Variants in DNAAF4 observed in about 807,000 individuals in gnomAD.
DNAAF4 encodes the protein dynein axonemal assembly factor 4, also known as dynein assembly factor 4, axonemal.
In DNAAF4, 43 loss-of-function variants were observed where a neutral mutation model predicts 51.8. The ratio of observed to expected loss-of-function variants is 0.83; its 90% confidence interval spans 0.65 to 1.07. DNAAF4 has a LOEUF of 1.07. Ranked by LOEUF, DNAAF4 falls within the 50% of genes least tolerant of loss-of-function variation. The pLI is 0.00. For synonymous variants in DNAAF4, 194 were observed against 165.6 expected (o/e 1.17, Z -1.32); for missense variants, 581 against 493.0 (o/e 1.18, Z -1.69).
intron 5 of DNAAF4, among the ~76,000 whole-genome samples, chr15:55,454,282 C>T (rs945358437): frequency 4.2e-4 from 64 of 151,336 alleles, no homozygotes; most frequent in African/African-American, 1.5e-3. Flanking sequence ...GCATGGACAA[C>T]AGAGCAAGAC....
At chr15:55,419,903 T>C (rs1343368836) in intron 7 of DNAAF4, among the ~76,000 whole-genome samples, 1 of 151,916 alleles carries the variant, frequency 6.6e-6, no homozygotes, top group Admixed American at 6.6e-5. Context: ...TTTGGGAGGC[T>C]GAGGCAGGAG....
chr15:55,485,738 T>C (rs1411856327), intron 4 of DNAAF4, among the ~76,000 whole-genome samples: 1 of 152,106 alleles, frequency 6.6e-6, no homozygotes, highest in Non-Finnish European at 1.5e-5. Context: ...CTCACGCCTG[T>C]AATCCCAGCA....
intron 4 of DNAAF4, among the ~76,000 whole-genome samples, chr15:55,486,108 A>C (rs1348975621): frequency 6.6e-6 from 1 of 150,944 alleles, no homozygotes; most frequent in Non-Finnish European, 1.5e-5. Flanking sequence ...TAATCACCTC[A>C]TATCCCTATA....
chr15:55,469,353 A>G (rs923313029), intron 4 of DNAAF4, among the ~76,000 whole-genome samples: 4 of 151,800 alleles, frequency 2.6e-5, no homozygotes, highest in Non-Finnish European at 4.4e-5. Context: ...AGAAAGAAAG[A>G]AAAAGAAAAA....
intron 4 of DNAAF4, among the ~76,000 whole-genome samples, chr15:55,488,918 C>T (rs2058530163): frequency 6.6e-6 from 1 of 152,030 alleles, no homozygotes; most frequent in African/African-American, 2.4e-5. Context: ...GAAACCCTGT[C>T]TCTACTAAAA....
In DNAAF4 at chr15:55,460,181, T is replaced by A. The variant is rs1323834013; in HGVS notation, c.637+6749A>T. Among the ~76,000 whole-genome samples the A allele has an allele frequency of 1.3e-4, 16 of 125,528 alleles. No homozygotes were observed. The South Asian group carries it at 4.4e-3, about 34-fold the overall frequency. The allele number at this position is 125,528 out of a possible 152,430, so 82.4% of individuals were successfully genotyped here. Reference sequence around the variant, plus strand: ...TTTATTTATTTATTTATTTACTTATTTATTTATTTTTTTTTTTGAGACAGA... The same window carrying A: ...TTTATTTATTTATTTATTTACTTATATATTTATTTTTTTTTTTGAGACAGA... On this transcript the variant is annotated intron_variant, in intron 5 of 9. Transcript: ENST00000321149.
chr15:55,501,623 C>T lies in DNAAF4; in HGVS notation c.-255-3039G>A, dbSNP rs553220765. 3.9e-4 allele frequency among the ~76,000 whole-genome samples: 60 copies of T among 151,978 alleles called. No individual in the cohort carries two copies. In the South Asian group the frequency reaches 0.012, roughly 31 times the overall value. On this transcript the variant is annotated intron_variant, in intron 1 of 9. Transcript: ENST00000321149. ...ATCTCCTGACCTCGTGATCAACCCA[C>T]CTCGGCCTCCCAAAGTGCCGGGATT...
intron 6 of DNAAF4, among the ~76,000 whole-genome samples, chr15:55,447,665 G>C (rs1567010115): frequency 6.7e-6 from 1 of 149,394 alleles, no homozygotes; most frequent in Non-Finnish European, 1.5e-5. Context: ...GCAATCCCAA[G>C]CAGTCGGCAG....
Position 55,450,460 on chromosome 15 carries a change from C to T in DNAAF4, c.638-93G>A, listed in dbSNP as rs1200639986. 12 of 1,331,970 alleles carry T rather than the reference C, an allele frequency of 9.0e-6. No individual in the cohort carries two copies. In the Middle Eastern group the frequency reaches 1.3e-3, roughly 141 times the overall value. The allele number at this position is 1,331,970 out of a possible 1,614,324, so 82.5% of individuals were successfully genotyped here. On this transcript the variant is annotated intron_variant, in intron 5 of 9. Coordinates refer to ENST00000321149, the MANE Select transcript of DNAAF4 (RefSeq NM_130810.4). Reference sequence around the variant, plus strand: ...GTAATTACACATCAAAGCTCACCCCCAAATCCTAAACAAATAAATCAAATA... The same window carrying T: ...GTAATTACACATCAAAGCTCACCCCTAAATCCTAAACAAATAAATCAAATA...
At chr15:55,452,991 A>G (rs2057959691) in intron 5 of DNAAF4, among the ~76,000 whole-genome samples, 1 of 151,974 alleles carries the variant, frequency 6.6e-6, no homozygotes, top group South Asian at 2.1e-4. Flanking sequence ...ATGCCCAGCT[A>G]ATTTTTTTGT....
At chr15:55,444,866 A>G (rs2057771654) in intron 6 of DNAAF4, among the ~76,000 whole-genome samples, 1 of 152,022 alleles carries the variant, frequency 6.6e-6, no homozygotes, top group Non-Finnish European at 1.5e-5. Context: ...TTGGTGTATA[A>G]GAATGCTTGT....
At chr15:55,476,574 T>G (rs1433167817) in intron 4 of DNAAF4, among the ~76,000 whole-genome samples, 3 of 152,170 alleles carry the variant, frequency 2.0e-5, no homozygotes, top group African/African-American at 7.2e-5. Context: ...ACAAACAGAT[T>G]TTTTTAAATG....
At chr15:55,454,111 G>C (rs2057980717) in intron 5 of DNAAF4, among the ~76,000 whole-genome samples, 2 of 151,644 alleles carry the variant, frequency 1.3e-5, no homozygotes. Flanking sequence ...GATCAGCGTG[G>C]CCAATATGGT....
chr15:55,466,438 T>C (rs918828265), intron 5 of DNAAF4, among the ~76,000 whole-genome samples: 3 of 152,202 alleles, frequency 2.0e-5, no homozygotes, highest in Admixed American at 1.3e-4. Flanking sequence ...AAAAAAATTA[T>C]ATTAATTTAT....
At chr15:55,495,145 A>T (rs1296312125) in intron 3 of DNAAF4, 1 of 150,784 alleles carries the variant, frequency 6.6e-6, no homozygotes, top group Middle Eastern at 3.4e-3. Context: ...CAGAGGAAGT[A>T]AGAGGTCAAA....
intron 5 of DNAAF4, among the ~76,000 whole-genome samples, chr15:55,451,948 C>T (rs952609751): frequency 1.3e-5 from 2 of 151,796 alleles, no homozygotes; most frequent in African/African-American, 4.8e-5. Context: ...AATAGTAATA[C>T]AAAAGAAGGA....
intron 7 of DNAAF4, among the ~76,000 whole-genome samples, chr15:55,419,641 T>C (rs955121774): frequency 6.6e-6 from 1 of 152,312 alleles, no homozygotes; most frequent in East Asian, 1.9e-4. Context: ...GAACCCCGAC[T>C]GATGGCAGAC....
chr15:55,418,793 C>T (rs2057361051), intron 7 of DNAAF4: 1 of 398,802 alleles, frequency 2.5e-6, no homozygotes, highest in Non-Finnish European at 4.4e-6. Context: ...TCCATGTAAT[C>T]CAAAAGCTTC....
Position 55,469,379 on chromosome 15 carries a change from A to G in DNAAF4, c.406-2218T>C, listed in dbSNP as rs577933571. On this transcript the variant is annotated intron_variant, in intron 4 of 9. Transcript: ENST00000321149. ...AAAAGAAAAACAGAGTGTACAGAGA[A>G]AAAACAAACTGTTTATGCCTCTTAT... 3.8e-3 allele frequency among the ~76,000 whole-genome samples: 571 copies of G among 151,994 alleles called. 3 individuals carry two copies. Among genetic ancestry groups the G allele is most frequent in the African/African-American group, 0.013 (529 of 41,494 alleles).
Sources: gnomAD v4.1 joint callset for allele counts (sites outside exome capture counted in the v4.1 genomes callset) on GRCh38, gnomAD v4.1.1 for gene constraint, MANE v1.5 for transcripts, NCBI Gene and HGNC (gene_info 2026-07-23, HGNC 2026-07-21) for gene names.